Variants in HTR4 observed in about 807,000 individuals in gnomAD.
The protein encoded by HTR4 is 5-hydroxytryptamine receptor 4.
A neutral mutation model predicts 36.8 loss-of-function variants in HTR4; 16 were observed. That is an observed-to-expected ratio of 0.43 (90% CI 0.29 to 0.66). HTR4 has a LOEUF of 0.66. HTR4 is among the 30% of genes least tolerant of loss of function. The pLI is 0.13. For missense variants in HTR4, 438 were observed against 490.9 expected, an observed-to-expected ratio of 0.89 and a Z score of 1.02; for synonymous variants, 189 against 185.1, an observed-to-expected ratio of 1.02 and a Z score of -0.17.
At chr5:148,641,788 C>T (rs373035856) in intron 1 of HTR4, among the ~76,000 whole-genome samples, 2 of 152,314 alleles carry the variant, frequency 1.3e-5, no homozygotes, top group South Asian at 4.1e-4. Flanking sequence ...AAGGTAAGTG[C>T]ATCCCATCTT....
intron 1 of HTR4, among the ~76,000 whole-genome samples, chr5:148,640,456 T>C (rs972231751): frequency 6.6e-6 from 1 of 152,186 alleles, no homozygotes; most frequent in African/African-American, 2.4e-5. Flanking sequence ...GTATTTCCTC[T>C]GGTGTTGTCA....
chr5:148,588,259 A>C (rs959318211), intron 2 of HTR4, among the ~76,000 whole-genome samples: 1 of 152,186 alleles, frequency 6.6e-6, no homozygotes, highest in African/African-American at 2.4e-5. Flanking sequence ...CTCTTTAACA[A>C]TTTTTAAAAC....
intron 2 of HTR4, among the ~76,000 whole-genome samples, chr5:148,609,214 G>A (rs567821266): frequency 4.6e-5 from 7 of 152,174 alleles, no homozygotes; most frequent in Non-Finnish European, 8.8e-5. Flanking sequence ...AACCTATTCT[G>A]AGAGAGAAAG....
intron 5 of HTR4, among the ~76,000 whole-genome samples, chr5:148,471,520 T>C (rs1404046062): frequency 6.6e-6 from 1 of 152,192 alleles, no homozygotes; most frequent in African/African-American, 2.4e-5. Context: ...CATAGAACTA[T>C]GTGGAGGAAA....
chr5:148,631,984 A>C (rs1191479357), intron 2 of HTR4, among the ~76,000 whole-genome samples: 1 of 152,118 alleles, frequency 6.6e-6, no homozygotes, highest in African/African-American at 2.4e-5. Context: ...TTCAGTTAAA[A>C]AATATTTAGT....
chr5:148,589,670 G>T (rs1173476923), intron 2 of HTR4, among the ~76,000 whole-genome samples: 1 of 151,818 alleles, frequency 6.6e-6, no homozygotes, highest in Non-Finnish European at 1.5e-5. Context: ...GGCATATTTT[G>T]CCATACAGAA....
intron 2 of HTR4, among the ~76,000 whole-genome samples, chr5:148,582,154 A>T (rs1271567146): frequency 6.6e-6 from 1 of 151,930 alleles, no homozygotes; most frequent in East Asian, 1.9e-4. Context: ...TAGATATGCA[A>T]CTCACTTTCG....
intron 2 of HTR4, among the ~76,000 whole-genome samples, chr5:148,625,292 T>C (rs1304556848): frequency 6.6e-6 from 1 of 152,184 alleles, no homozygotes; most frequent in African/African-American, 2.4e-5. Flanking sequence ...CAAGGTTACA[T>C]AATTCTAAAT....
At chr5:148,635,933 C>T (rs190252046) in intron 2 of HTR4, among the ~76,000 whole-genome samples, 5 of 152,198 alleles carry the variant, frequency 3.3e-5, no homozygotes, top group South Asian at 2.1e-4. Context: ...TGTTTTATTG[C>T]TAAAAATACA....
rs201810626 is a variant in HTR4 at position 148,520,973 on chromosome 5, G to C, written c.507+2220C>G. The C allele has an allele frequency of 7.3e-6, 10 of 1,367,728 alleles. No individual in the cohort carries two copies. The South Asian group carries it at 8.0e-5, about 11-fold the overall frequency. 84.7% of individuals were successfully genotyped at this position (1,367,728 alleles called of 1,614,324 possible). ...GGTTTAGACTCCTTTCCTTGAAAAA[G>C]AACAAGGCAGGACTAAGGGCTAAGA... On this transcript the variant is annotated intron_variant, in intron 5 of 6. Coordinates refer to ENST00000377888, the MANE Select transcript of HTR4 (RefSeq NM_000870.7).
intron 1 of HTR4, among the ~76,000 whole-genome samples, chr5:148,647,708 G>C (rs183612980): frequency 1.3e-5 from 2 of 152,308 alleles, no homozygotes; most frequent in Admixed American, 1.3e-4. Flanking sequence ...AATTAGCTGG[G>C]CGTGGTGTTG....
chr5:148,465,861 A>G (rs371652736), intron 5 of HTR4: 6 of 1,612,102 alleles, frequency 3.7e-6, no homozygotes, highest in East Asian at 2.2e-5. Context: ...GAGCACTTTC[A>G]GAGTTAGACA....
At chr5:148,574,896 A>G (rs1356449915) in intron 2 of HTR4, among the ~76,000 whole-genome samples, 4 of 152,112 alleles carry the variant, frequency 2.6e-5, no homozygotes, top group South Asian at 4.1e-4. Flanking sequence ...TGCTGCTAAA[A>G]TGTCCTTATA....
intron 6 of HTR4, among the ~76,000 whole-genome samples, chr5:148,485,291 G>T (rs1043601301): frequency 6.6e-6 from 1 of 152,164 alleles, no homozygotes; most frequent in African/African-American, 2.4e-5. Context: ...TAAGTAATTT[G>T]CCCAAGTATA....
chr5:148,648,112 G>A (rs1245782098), intron 1 of HTR4, among the ~76,000 whole-genome samples: 1 of 152,172 alleles, frequency 6.6e-6, no homozygotes, highest in Non-Finnish European at 1.5e-5. Flanking sequence ...CTATACGAGT[G>A]TTCACTATAT....
Position 148,509,668 on chromosome 5 carries a change from A to G in HTR4, c.864T>C (p.Thr288=). 1 of 1,614,134 alleles carries G rather than the reference A, an allele frequency of 6.2e-7. No individual in the cohort carries two copies. ...TNIVDPFIDY[T]VPGQVWTAFL... ...AAGCAGTCCACACCTGCCCAGGGAC[A>G]GTGTAGTCTATGAAAGGATCCACAA... is the stretch of plus-strand genomic sequence containing the variant. Residue 288 remains threonine (T), a synonymous_variant, in exon 6 of 7, where the codon ACT becomes ACC. Coordinates refer to ENST00000377888, the MANE Select transcript of HTR4 (RefSeq NM_000870.7).
chr5:148,548,966 C>A, intron 3 of HTR4, 98 bp from the exon 4 acceptor site: 1 of 825,176 alleles, frequency 1.2e-6, no homozygotes, highest in South Asian at 1.6e-5. Context: ...AAAAGGGAAA[C>A]AAAGAAAGAA....
intron 5 of HTR4, among the ~76,000 whole-genome samples, chr5:148,522,578 T>C (rs752817700): frequency 6.6e-6 from 1 of 152,192 alleles, no homozygotes; most frequent in Non-Finnish European, 1.5e-5. Context: ...AAAAAATTAT[T>C]CATGACATTT....
chr5:148,531,017 T>C (rs1758538440), intron 4 of HTR4, among the ~76,000 whole-genome samples: 4 of 152,226 alleles, frequency 2.6e-5, no homozygotes, highest in Admixed American at 2.6e-4. Flanking sequence ...CCAATGCCTA[T>C]ACCCTCATTT....
Sources: allele counts gnomAD v4.1 joint callset (sites outside exome capture counted in the v4.1 genomes callset), GRCh38; gene constraint gnomAD v4.1.1; transcripts MANE v1.5; gene names NCBI Gene and HGNC (gene_info 2026-07-23, HGNC 2026-07-21).